Variants in STK32B observed in about 807,000 individuals in gnomAD.
STK32B encodes the protein serine/threonine kinase 32B, also known as serine/threonine-protein kinase 32B.
In STK32B, 43 loss-of-function variants were observed where a neutral mutation model predicts 52.6. The observed-to-expected ratio is 0.82, with a 90% CI of 0.64 to 1.05. The LOEUF (loss-of-function observed/expected upper bound fraction) is 1.05, where lower values mean the gene tolerates loss of function less well. STK32B is among the 50% of genes least tolerant of loss of function. The pLI is 0.00. For synonymous variants in STK32B, 238 were observed against 204.3 expected (o/e 1.17, Z -1.41); for missense variants, 621 against 534.6 (o/e 1.16, Z -1.59).
In STK32B at chr4:5,366,202, A is replaced by G. The variant is rs185315904; in HGVS notation, c.435-32005A>G. On this transcript the variant is annotated intron_variant, in intron 4 of 11. Coordinates refer to ENST00000282908, the MANE Select transcript of STK32B (RefSeq NM_018401.3). ...TCCCCTGGGCCTTGATAGAGTTGGC[A>G]TCCCTAAAAATGGGGATGGGGATGA... 9.2e-5 allele frequency among the ~76,000 whole-genome samples: 14 copies of G among 152,292 alleles called. No individual in the cohort carries two copies. In the East Asian group the frequency reaches 2.7e-3, roughly 29 times the overall value.
upstream of STK32B, among the ~76,000 whole-genome samples, chr4:5,048,995 A>G (rs1249805949): frequency 6.6e-6 from 1 of 152,194 alleles, no homozygotes; most frequent in Non-Finnish European, 1.5e-5. Flanking sequence ...AGAGTTCTCA[A>G]TACACATGCA....
chr4:5,444,795 C>T (rs1388534502), intron 6 of STK32B, among the ~76,000 whole-genome samples: 3 of 152,194 alleles, frequency 2.0e-5, no homozygotes, highest in Admixed American at 1.3e-4. Flanking sequence ...TTATTATCTA[C>T]ATTCTACACA....
At chr4:5,151,867 CCTTTTT>C (rs1245514115) in intron 2 of STK32B, among the ~76,000 whole-genome samples, 3 of 152,124 alleles carry the variant, frequency 2.0e-5, no homozygotes, top group Non-Finnish European at 4.4e-5. Context: ...CTTTTGGATC[CCTTTTT>C]CTTATTATAA....
chr4:5,492,765 C>A (rs183837756), intron 11 of STK32B, among the ~76,000 whole-genome samples: 1,740 of 151,380 alleles, frequency 0.011, 84 homozygotes, highest in African/African-American at 0.04. Context: ...TACCAAATTT[C>A]TTGAGAGTTT....
At chr4:5,437,784 G>A (rs1233115265) in intron 6 of STK32B, 6 of 372,250 alleles carry the variant, frequency 1.6e-5, no homozygotes, top group Non-Finnish European at 1.5e-5. Context: ...GGTTGCTATT[G>A]TTCAGATATG....
intron 3 of STK32B, among the ~76,000 whole-genome samples, chr4:5,170,953 T>C (rs1190589326): frequency 6.6e-6 from 1 of 152,186 alleles, no homozygotes; most frequent in Non-Finnish European, 1.5e-5. Context: ...TTTCTCCACA[T>C]CCTCTCCAGC....
chr4:5,491,200 A>G (rs1719702640), intron 11 of STK32B, among the ~76,000 whole-genome samples: 1 of 152,192 alleles, frequency 6.6e-6, no homozygotes, highest in Non-Finnish European at 1.5e-5. Context: ...ACAGTGTAAA[A>G]GTGTTCCTAT....
intron 1 of STK32B, among the ~76,000 whole-genome samples, chr4:5,124,325 G>T (rs186547008): frequency 6.6e-6 from 1 of 152,288 alleles, no homozygotes. Flanking sequence ...TAAAACCATC[G>T]GCATTTTCTT....
At chr4:5,076,944 C>G (rs1436279972) in intron 1 of STK32B, among the ~76,000 whole-genome samples, 2 of 152,066 alleles carry the variant, frequency 1.3e-5, no homozygotes, top group Admixed American at 1.3e-4. Context: ...GTTTAGGTCA[C>G]TGGGGGAAGA....
chr4:5,224,566 G>T (rs982461461), intron 3 of STK32B, among the ~76,000 whole-genome samples: 4 of 152,138 alleles, frequency 2.6e-5, no homozygotes, highest in Non-Finnish European at 5.9e-5. Flanking sequence ...TTTGCTGCTG[G>T]TCTTTTCCTT....
chr4:5,411,991 T>C (rs1030176865), intron 5 of STK32B, among the ~76,000 whole-genome samples: 57 of 152,202 alleles, frequency 3.7e-4, no homozygotes, highest in Non-Finnish European at 8.8e-5. Context: ...CTGGGGTCAG[T>C]TTTGAAGAAT....
At chr4:5,194,737 C>T (rs1418201007) in intron 3 of STK32B, among the ~76,000 whole-genome samples, 1 of 152,180 alleles carries the variant, frequency 6.6e-6, no homozygotes, top group African/African-American at 2.4e-5. Flanking sequence ...TGCACAGAAA[C>T]TGTAGCTGCT....
chr4:5,295,462 G>C (rs981969530), intron 3 of STK32B, among the ~76,000 whole-genome samples: 1 of 152,110 alleles, frequency 6.6e-6, no homozygotes. Flanking sequence ...CTTGTTGTTG[G>C]TCTATTCAGG....
chr4:5,254,512 CT>C (rs1726164966), intron 3 of STK32B, among the ~76,000 whole-genome samples: 1 of 152,030 alleles, frequency 6.6e-6, no homozygotes, highest in Admixed American at 6.5e-5. Context: ...TGACAATGCA[CT>C]TAAGGTGATA....
At chr4:5,455,323 A>G (rs3821928) in intron 7 of STK32B, among the ~76,000 whole-genome samples, 8,606 of 152,310 alleles carry the variant, frequency 0.057, 461 homozygotes, top group African/African-American at 0.14. Context: ...CCCACACAAC[A>G]TGTAGGCTCG....
At chr4:5,040,834 C>T in the STK32B span, among the ~76,000 whole-genome samples, 1 of 152,200 alleles carries the variant, frequency 6.6e-6, no homozygotes, top group African/African-American at 2.4e-5. Context: ...ACTACATGCC[C>T]AGGCTATGTG....
intron 3 of STK32B, among the ~76,000 whole-genome samples, chr4:5,313,168 C>G (rs1231182366): frequency 6.6e-6 from 1 of 151,118 alleles, no homozygotes; most frequent in Non-Finnish European, 1.5e-5. Flanking sequence ...CACCAGTGTA[C>G]AAAAAGAATT....
At chr4:5,442,612 T>C (rs1361943560) in intron 6 of STK32B, among the ~76,000 whole-genome samples, 3 of 151,604 alleles carry the variant, frequency 2.0e-5, no homozygotes, top group Admixed American at 6.6e-5. Flanking sequence ...ACATTTAAAG[T>C]TAATATTGTT....
intron 2 of STK32B, among the ~76,000 whole-genome samples, chr4:5,156,358 G>T (rs1046792024): frequency 3.3e-5 from 5 of 152,040 alleles, no homozygotes; most frequent in Admixed American, 3.3e-4. Flanking sequence ...TTGACACATG[G>T]TTTATATTGA....
Sources: allele counts gnomAD v4.1 joint callset (sites outside exome capture counted in the v4.1 genomes callset), GRCh38; gene constraint gnomAD v4.1.1; transcripts MANE v1.5; gene names NCBI Gene and HGNC (gene_info 2026-07-23, HGNC 2026-07-21).